NEK5: variants seen among roughly 807,000 people sequenced by gnomAD.
NEK5 encodes the protein serine/threonine-protein kinase Nek5.
A neutral mutation model predicts 109.2 loss-of-function variants in NEK5; 88 were observed. The observed-to-expected ratio is 0.81, with a 90% CI of 0.68 to 0.96. The LOEUF is 0.96. Among genes scored for constraint, NEK5 ranks in the 40% least tolerant of loss-of-function variants. The probability of loss-of-function intolerance (pLI) is 0.00; values close to 1 mark genes in which losing one functional copy is unlikely to be tolerated. For missense variants in NEK5, 834 were observed against 920.7 expected (o/e 0.91, Z 1.22); for synonymous variants, 283 against 299.9 (o/e 0.94, Z 0.58).
intron 3 of NEK5, among the ~76,000 whole-genome samples, chr13:52,125,118 T>C (rs560288894): frequency 6.6e-6 from 1 of 152,332 alleles, no homozygotes; most frequent in East Asian, 1.9e-4. Context: ...CTATTAATAC[T>C]TGTTTTTGGG....
rs1185714249 is a variant in NEK5 at position 52,036,233 on chromosome 13, C to CTCT, written c.*712_*714dup. The CTCT allele has an allele frequency of 6.6e-6, 1 of 152,224 alleles. No individual in the cohort carries two copies. The highest frequency in any genetic ancestry group is 1.5e-5 in the Non-Finnish European group (1 of 68,076). The allele number at this position is 152,224 out of a possible 1,614,324, so 9.4% of individuals were successfully genotyped here. A position where few individuals can be genotyped will look rare whatever the true frequency, so the allele number is the denominator to read the frequency against. On this transcript the variant is annotated 3_prime_UTR_variant, in exon 24 of 24. Transcript: ENST00000684899. Reference sequence around the variant, plus strand: ...TTCATGCTGCGATCTCTCTGGTTTTCTCTTTTGTCTTCCTCTTCCACTTGT... The same window carrying CTCT: ...TTCATGCTGCGATCTCTCTGGTTTTCTCTTCTTTTGTCTTCCTCTTCCACTTGT...
chr13:52,084,762 A>AGTGTGTGTGT lies in NEK5; in HGVS notation c.1480-1420_1480-1411dup, dbSNP rs368429926. 4.0e-3 allele frequency among the ~76,000 whole-genome samples: 188 copies of AGTGTGTGTGT among 47,436 alleles called. 1 individual carries two copies. The highest frequency in any genetic ancestry group is 5.6e-3 in the Admixed American group (22 of 3,938). The allele number at this position is 47,436 out of a possible 152,430, so 31.1% of individuals were successfully genotyped here. On this transcript the variant is annotated intron_variant, in intron 16 of 23. Transcript: ENST00000684899. ...GAGAGAGAGAGAGAGAGAGAGAGAG[A>AGTGTGTGTGT]GTGTGTGTGTGTGTGTGTGTGTGTG...
At chr13:52,128,859 A>C (rs1376064219) in intron 1 of NEK5, 170 bp downstream of exon 1, 3 of 152,388 alleles carry the variant, frequency 2.0e-5, no homozygotes, top group Non-Finnish European at 2.9e-5. Flanking sequence ...GTTGCCATAG[A>C]GACCGACGCG....
At chr13:52,110,846 T>C (rs1233857327) in intron 5 of NEK5, among the ~76,000 whole-genome samples, 1 of 152,096 alleles carries the variant, frequency 6.6e-6, no homozygotes, top group African/African-American at 2.4e-5. Context: ...AAAAGATAAG[T>C]AGAAGCAAGG....
At chr13:52,124,460 A>G (rs1412573553) in intron 3 of NEK5, among the ~76,000 whole-genome samples, 1 of 152,230 alleles carries the variant, frequency 6.6e-6, no homozygotes, top group Non-Finnish European at 1.5e-5. Flanking sequence ...CAAACATTGA[A>G]ATTTTCCCAT....
chr13:52,098,479 AG>A (rs1955465888), intron 12 of NEK5, among the ~76,000 whole-genome samples: 1 of 152,156 alleles, frequency 6.6e-6, no homozygotes, highest in Non-Finnish European at 1.5e-5. Flanking sequence ...TTTAATTAAA[AG>A]ACAGTAGCCA....
At chr13:52,087,575 G>T in intron 14 of NEK5, 121 bp from the exon 15 acceptor site, 1 of 520,940 alleles carries the variant, frequency 1.9e-6, no homozygotes, top group East Asian at 3.1e-5. Context: ...GTATTTGGGA[G>T]TTTTTTTTGT....
intron 4 of NEK5, among the ~76,000 whole-genome samples, chr13:52,118,531 A>G (rs1387508813): frequency 2.0e-5 from 3 of 152,154 alleles, no homozygotes; most frequent in Admixed American, 6.5e-5. Flanking sequence ...TGTCTGACCA[A>G]TGCTCCTTCA....
At chr13:52,059,972 A>G (rs1566736588) in intron 22 of NEK5, among the ~76,000 whole-genome samples, 2 of 151,988 alleles carry the variant, frequency 1.3e-5, no homozygotes, top group Non-Finnish European at 2.9e-5. Context: ...AAATAAAAAA[A>G]TAATAATAAT....
chr13:52,051,674 A>C (rs1210872617), intron 22 of NEK5, among the ~76,000 whole-genome samples: 2 of 152,202 alleles, frequency 1.3e-5, no homozygotes, highest in Admixed American at 1.3e-4. Flanking sequence ...AGGAAAATAA[A>C]TCTCGGGACC....
chr13:52,115,163 G>A (rs1372277536), intron 4 of NEK5, among the ~76,000 whole-genome samples: 1 of 151,690 alleles, frequency 6.6e-6, no homozygotes, highest in East Asian at 2.0e-4. Context: ...ACAGGCGCCC[G>A]CCACCATGCC....
intron 17 of NEK5, among the ~76,000 whole-genome samples, chr13:52,080,664 G>A (rs1282467496): frequency 6.6e-6 from 1 of 152,190 alleles, no homozygotes; most frequent in Non-Finnish European, 1.5e-5. Flanking sequence ...GGTGCAAGAT[G>A]TGCTTTGTTA....
At chr13:52,101,194 C>T (rs1177335502) in intron 11 of NEK5, among the ~76,000 whole-genome samples, 2 of 152,014 alleles carry the variant, frequency 1.3e-5, no homozygotes, top group African/African-American at 2.4e-5. Flanking sequence ...GTCCGGAGAT[C>T]GAGACCATCC....
At chr13:52,052,095 G>A (rs1016328949) in intron 22 of NEK5, among the ~76,000 whole-genome samples, 29 of 99,896 alleles carry the variant, frequency 2.9e-4, no homozygotes, top group African/African-American at 8.0e-4. Flanking sequence ...CCCTCCCCCC[G>A]ACCCCACCCC....
chr13:52,127,786 G>A, intron 1 of NEK5, 124 bp from the exon 2 acceptor site: 1 of 280,480 alleles, frequency 3.6e-6, no homozygotes, highest in Non-Finnish European at 6.6e-6. Flanking sequence ...TTTCTAAAAT[G>A]GAATAACAAT....
At chr13:52,080,747 A>T (rs1954991382) in intron 17 of NEK5, among the ~76,000 whole-genome samples, 1 of 152,052 alleles carries the variant, frequency 6.6e-6, no homozygotes, top group Non-Finnish European at 1.5e-5. Flanking sequence ...CAGGGACACA[A>T]ACACTGCGGA....
chr13:52,064,375 G>T (rs1409333510), intron 21 of NEK5, among the ~76,000 whole-genome samples: 3 of 136,396 alleles, frequency 2.2e-5, no homozygotes, highest in Non-Finnish European at 4.8e-5. Context: ...CCCCCCGCCC[G>T]GCCAGCCGCC....
chr13:52,050,212 G>T lies in NEK5; in HGVS notation c.2120C>A (p.Thr707Lys), dbSNP rs548362026. ...TTCTTTGGGTAGCCATTGTTTTAATGTTCCCATTGCTAAAGAAATGACAGA... is the reference window on the plus strand; with the variant it reads ...TTCTTTGGGTAGCCATTGTTTTAATTTTCCCATTGCTAAAGAAATGACAGA... ...FSADEEFAMG[T>K]LKQWLPKEED... Residue 707 changes from threonine (T) to lysine (K), a missense_variant, in exon 23 of 24, where the codon ACA becomes AAA. Around this residue, in one of 2 missense-constraint regions of NEK5, gnomAD observed 777 missense variants for 824.7 expected, o/e 0.94. Transcript: ENST00000684899. The T allele has an allele frequency of 7.1e-6, 7 of 980,552 alleles. No individual in the cohort carries two copies. Among genetic ancestry groups the T allele is most frequent in the Non-Finnish European group, 8.5e-6 (7 of 825,138 alleles). The allele number at this position is 980,552 out of a possible 1,614,324, so 60.7% of individuals were successfully genotyped here.
chr13:52,100,461 C>T (rs1321944452), intron 11 of NEK5, among the ~76,000 whole-genome samples: 2 of 152,176 alleles, frequency 1.3e-5, no homozygotes, highest in African/African-American at 4.8e-5. Context: ...ATGGTTTGGC[C>T]ATGTTGGCCA....
Sources: gnomAD v4.1 joint callset for allele counts (sites outside exome capture counted in the v4.1 genomes callset) on GRCh38, gnomAD v4.1.1 for gene constraint, gnomAD v4.1.1 regional missense constraint, MANE v1.5 for transcripts, NCBI Gene and HGNC (gene_info 2026-07-23, HGNC 2026-07-21) for gene names.